Variants in CADM2 observed in about 807,000 individuals in gnomAD.
CADM2 encodes cell adhesion molecule 2.
Under a neutral mutation model 49.8 loss-of-function variants are expected in CADM2, and 12 were observed. The ratio of observed to expected loss-of-function variants is 0.24; its 90% confidence interval spans 0.15 to 0.39. The LOEUF is 0.39. Ranked by LOEUF, CADM2 falls within the 10% of genes least tolerant of loss-of-function variation. The pLI is 1.00. For missense variants in CADM2, 378 were observed against 492.3 expected (o/e 0.77, Z 2.20); for synonymous variants, 214 against 175.4 (o/e 1.22, Z -1.74).
intron 5 of CADM2, among the ~76,000 whole-genome samples, chr3:85,904,994 T>C (rs1048333862): frequency 2.6e-5 from 4 of 152,174 alleles, no homozygotes; most frequent in African/African-American, 9.6e-5. Context: ...CCCCCTTTTT[T>C]TGTAAAATTT....
intron 1 of CADM2, among the ~76,000 whole-genome samples, chr3:85,232,652 G>A (rs2034619): frequency 0.095 from 14,492 of 151,842 alleles, 856 homozygotes; most frequent in African/African-American, 0.17. Flanking sequence ...TACTGATGGC[G>A]AATAAACATG....
chr3:85,275,590 T>G (rs2043338090), intron 1 of CADM2, among the ~76,000 whole-genome samples: 1 of 151,284 alleles, frequency 6.6e-6, no homozygotes. Flanking sequence ...TTTGAACTTC[T>G]TGATTAAGCA....
intron 2 of CADM2, among the ~76,000 whole-genome samples, chr3:85,770,001 A>G (rs544880589): frequency 6.6e-6 from 1 of 151,980 alleles, no homozygotes; most frequent in Non-Finnish European, 1.5e-5. Flanking sequence ...AAAACAAACA[A>G]AAAAAACAGC....
chr3:85,520,844 G>A (rs2061012334), intron 1 of CADM2, among the ~76,000 whole-genome samples: 1 of 152,034 alleles, frequency 6.6e-6, no homozygotes, highest in Non-Finnish European at 1.5e-5. Flanking sequence ...TGCAGATTAA[G>A]GGGTGGATTG....
intron 3 of CADM2, among the ~76,000 whole-genome samples, chr3:85,882,323 A>G (rs969621881): frequency 6.6e-6 from 1 of 152,124 alleles, no homozygotes; most frequent in Non-Finnish European, 1.5e-5. Context: ...TTCTCCTTGC[A>G]GGTAACCCAG....
intron 3 of CADM2, among the ~76,000 whole-genome samples, chr3:85,820,424 A>G (rs1250902984): frequency 6.6e-6 from 1 of 152,150 alleles, no homozygotes; most frequent in African/African-American, 2.4e-5. Context: ...CAAAAGATGA[A>G]GTTGGTTTGG....
chr3:85,194,040 A>G (rs1362703975), intron 1 of CADM2, among the ~76,000 whole-genome samples: 1 of 152,144 alleles, frequency 6.6e-6, no homozygotes, highest in African/African-American at 2.4e-5. Context: ...GATTTTACCC[A>G]GGCAGGGAAG....
At chr3:85,717,619 G>C (rs2067341683) in intron 1 of CADM2, among the ~76,000 whole-genome samples, 1 of 152,110 alleles carries the variant, frequency 6.6e-6, no homozygotes, top group Admixed American at 6.5e-5. Flanking sequence ...GATGATATTG[G>C]CTGTGGGTCA....
At chr3:85,221,931 A>C (rs1445638313) in intron 1 of CADM2, among the ~76,000 whole-genome samples, 1 of 152,140 alleles carries the variant, frequency 6.6e-6, no homozygotes, top group Non-Finnish European at 1.5e-5. Flanking sequence ...AAAATATAGC[A>C]TCCTAGTAAA....
At chr3:85,894,605 G>A (rs533874334) in intron 5 of CADM2, among the ~76,000 whole-genome samples, 1 of 152,228 alleles carries the variant, frequency 6.6e-6, no homozygotes, top group East Asian at 1.9e-4. Flanking sequence ...TGTCTCCAGG[G>A]CATGTCAGAG....
At chr3:85,160,222 C>A (rs2040276046) in intron 1 of CADM2, among the ~76,000 whole-genome samples, 1 of 152,090 alleles carries the variant, frequency 6.6e-6, no homozygotes, top group Admixed American at 6.6e-5. Flanking sequence ...TTGTCAAATA[C>A]ATCAACCGTT....
chr3:85,823,406 T>C (rs1349525141), intron 3 of CADM2, among the ~76,000 whole-genome samples: 1 of 152,098 alleles, frequency 6.6e-6, no homozygotes, highest in Non-Finnish European at 1.5e-5. Flanking sequence ...ATCAAAATAT[T>C]TCCCTGCCAT....
intron 6 of CADM2, among the ~76,000 whole-genome samples, chr3:85,929,776 T>G (rs2108524035): frequency 6.6e-6 from 1 of 152,156 alleles, no homozygotes; most frequent in Middle Eastern, 3.4e-3. Flanking sequence ...GCTAACAAAG[T>G]ATAGTAGTTC....
intron 1 of CADM2, among the ~76,000 whole-genome samples, chr3:85,177,523 T>C (rs889269156): frequency 2.6e-5 from 4 of 151,912 alleles, no homozygotes; most frequent in Non-Finnish European, 1.5e-5. Flanking sequence ...CTATAATGTA[T>C]AAAAATAGAC....
At chr3:85,757,945 C>T (rs566984271) in intron 2 of CADM2, among the ~76,000 whole-genome samples, 19 of 152,178 alleles carry the variant, frequency 1.2e-4, no homozygotes, top group Admixed American at 9.2e-4. Context: ...TTATAGATTT[C>T]GCCAGGGTGT....
At chr3:85,364,366 C>T (rs1477562653) in intron 1 of CADM2, among the ~76,000 whole-genome samples, 1 of 152,104 alleles carries the variant, frequency 6.6e-6, no homozygotes, top group African/African-American at 2.4e-5. Context: ...TTAAAACTCA[C>T]GCCTGTTATA....
chr3:86,014,114 G>C (rs1731900321), intron 8 of CADM2: 1 of 1,290,698 alleles, frequency 7.7e-7, no homozygotes, highest in East Asian at 2.3e-5. Flanking sequence ...GCCATTTTCA[G>C]TGGACACGCA....
chr3:85,793,383 A>G (rs1480657148), intron 2 of CADM2, among the ~76,000 whole-genome samples: 1 of 152,200 alleles, frequency 6.6e-6, no homozygotes, highest in Non-Finnish European at 1.5e-5. Flanking sequence ...AGTAGAGGAA[A>G]AAAGGGAGCC....
chr3:85,874,261 CA>C (rs528141727), intron 3 of CADM2, among the ~76,000 whole-genome samples: 210 of 152,208 alleles, frequency 1.4e-3, no homozygotes, highest in African/African-American at 4.7e-3. Flanking sequence ...GAATTGTACA[CA>C]ATGTAGTCTG....
Sources: allele counts gnomAD v4.1 joint callset (sites outside exome capture counted in the v4.1 genomes callset), GRCh38; gene constraint gnomAD v4.1.1; transcripts MANE v1.5; gene names NCBI Gene and HGNC (gene_info 2026-07-23, HGNC 2026-07-21).